CCDC7: variants seen among roughly 807,000 people sequenced by gnomAD.
CCDC7 encodes coiled-coil domain-containing protein 7.
Under a neutral mutation model 196.9 loss-of-function variants are expected in CCDC7, and 183 were observed. The observed-to-expected ratio is 0.93, with a 90% CI of 0.82 to 1.05. The LOEUF (loss-of-function observed/expected upper bound fraction) is 1.05, where lower values mean the gene tolerates loss of function less well. CCDC7 is among the 50% of genes least tolerant of loss of function. The probability of loss-of-function intolerance (pLI) is 0.00; values close to 1 mark genes in which losing one functional copy is unlikely to be tolerated. For synonymous variants in CCDC7, 525 were observed against 484.6 expected, an observed-to-expected ratio of 1.08 and a Z score of -1.10; for missense variants, 1,540 against 1,482.2, an observed-to-expected ratio of 1.04 and a Z score of -0.64.
intron 21 of CCDC7, among the ~76,000 whole-genome samples, chr10:32,677,110 C>T (rs1349312874): frequency 6.7e-6 from 1 of 148,836 alleles, no homozygotes; most frequent in African/African-American, 2.5e-5. Context: ...TAAACTATTG[C>T]AAGGACAAAA....
At chr10:32,826,466 A>G (rs2091130858) in intron 32 of CCDC7, among the ~76,000 whole-genome samples, 1 of 152,206 alleles carries the variant, frequency 6.6e-6, no homozygotes, top group African/African-American at 2.4e-5. Flanking sequence ...TTTCTGACCC[A>G]TCTAGCCATA....
chr10:32,822,973 A>C (rs1161210182), intron 31 of CCDC7, among the ~76,000 whole-genome samples: 15 of 152,158 alleles, frequency 9.9e-5, no homozygotes, highest in Admixed American at 9.8e-4. Flanking sequence ...TTATCTAAAA[A>C]TCCTCTGATT....
intron 18 of CCDC7, among the ~76,000 whole-genome samples, chr10:32,606,930 AG>A (rs1359475348): frequency 6.6e-6 from 1 of 152,132 alleles, no homozygotes; most frequent in African/African-American, 2.4e-5. Context: ...AGATTTTGGG[AG>A]CCAGATGCAG....
intron 41 of CCDC7, among the ~76,000 whole-genome samples, chr10:32,861,028 A>G (rs1409314324): frequency 6.7e-6 from 1 of 149,588 alleles, no homozygotes; most frequent in African/African-American, 2.5e-5. Context: ...TCAAGCTACC[A>G]TTGACTTTCT....
At chr10:32,846,874 G>T (rs1354559277) in intron 37 of CCDC7, among the ~76,000 whole-genome samples, 1 of 152,094 alleles carries the variant, frequency 6.6e-6, no homozygotes, top group African/African-American at 2.4e-5. Context: ...CCTTCTATTT[G>T]ATAAAAATGT....
intron 10 of CCDC7, among the ~76,000 whole-genome samples, 200 bp downstream of exon 11, chr10:32,518,175 T>C (rs1183972095): frequency 2.0e-5 from 3 of 152,156 alleles, no homozygotes; most frequent in African/African-American, 7.2e-5. Context: ...CAGAAACTCT[T>C]CACTTCTGAA....
intron 9 of CCDC7, among the ~76,000 whole-genome samples, chr10:32,505,675 G>T (rs564451769): frequency 7.2e-5 from 11 of 151,908 alleles, no homozygotes; most frequent in Admixed American, 6.6e-4. Context: ...ATCATGGCCC[G>T]TTCTCGATGG....
chr10:32,626,989 C>G (rs1419509490), intron 18 of CCDC7, among the ~76,000 whole-genome samples: 1 of 150,478 alleles, frequency 6.6e-6, no homozygotes, highest in Non-Finnish European at 1.5e-5. Context: ...TAACGAGATG[C>G]CTACAGCATT....
At chr10:32,670,497 C>T (rs969363113) in intron 21 of CCDC7, among the ~76,000 whole-genome samples, 10 of 151,002 alleles carry the variant, frequency 6.6e-5, no homozygotes, top group African/African-American at 2.2e-4. Context: ...CCCACTAACT[C>T]GTCATCTAGC....
At chr10:32,813,773 G>T (rs1213571265) in intron 30 of CCDC7, among the ~76,000 whole-genome samples, 1 of 152,132 alleles carries the variant, frequency 6.6e-6, no homozygotes, top group Non-Finnish European at 1.5e-5. Context: ...AAATTGTGCA[G>T]CATCAGGTTG....
chr10:32,792,904 G>A (rs1371332736), intron 29 of CCDC7, among the ~76,000 whole-genome samples: 1 of 152,062 alleles, frequency 6.6e-6, no homozygotes, highest in African/African-American at 2.4e-5. Flanking sequence ...AATCACAAAG[G>A]TAGGCAGCAA....
chr10:32,874,207 G>T (rs191469519), intron 41 of CCDC7, among the ~76,000 whole-genome samples: 1 of 148,860 alleles, frequency 6.7e-6, no homozygotes, highest in East Asian at 2.0e-4. Context: ...ACATAAATGT[G>T]TATATAATTT....
At position 32,644,649 on chromosome 10, in the gene CCDC7, G is replaced by A. The variant is rs940071682; in HGVS notation, c.2014+9491G>A. On this transcript the variant is annotated intron_variant, in intron 20 of 41. Transcript: ENST00000639629. Reference sequence around the variant, plus strand: ...GACCCAGTGGGAGATAATGAATCACGAGGGCGATTTCCCCCATACTGCTGC... The same window carrying A: ...GACCCAGTGGGAGATAATGAATCACAAGGGCGATTTCCCCCATACTGCTGC... Among the ~76,000 whole-genome samples, 9 of 152,226 alleles carry A rather than the reference G, an allele frequency of 5.9e-5. No individual in the cohort carries two copies. In the South Asian group the frequency reaches 1.5e-3, roughly 25 times the overall value.
chr10:32,839,631 A>C (rs2092841582), intron 33 of CCDC7, among the ~76,000 whole-genome samples: 1 of 151,990 alleles, frequency 6.6e-6, no homozygotes, highest in Non-Finnish European at 1.5e-5. Context: ...ATGAACTTGA[A>C]CTCTACCCTA....
intron 41 of CCDC7, among the ~76,000 whole-genome samples, chr10:32,870,571 A>G (rs2094392095): frequency 6.6e-6 from 1 of 152,080 alleles, no homozygotes; most frequent in Admixed American, 6.6e-5. Flanking sequence ...CTCTTTTCCT[A>G]ATTGAATACC....
intron 28 of CCDC7, among the ~76,000 whole-genome samples, chr10:32,755,214 A>C (rs2076240147): frequency 6.6e-6 from 1 of 152,210 alleles, no homozygotes; most frequent in African/African-American, 2.4e-5. Flanking sequence ...AACAAAAGGC[A>C]GCAGAAACTT....
chr10:32,646,003 T>G (rs2067699567), intron 20 of CCDC7, among the ~76,000 whole-genome samples: 1 of 151,974 alleles, frequency 6.6e-6, no homozygotes, highest in African/African-American at 2.4e-5. Flanking sequence ...TTGTTCATCT[T>G]TTATATTTTT....
At chr10:32,564,611 T>A (rs1031162491) in intron 13 of CCDC7, among the ~76,000 whole-genome samples, 1 of 121,608 alleles carries the variant, frequency 8.2e-6, no homozygotes, top group African/African-American at 3.3e-5. Context: ...TGAGAACACA[T>A]GGACACAGGA....
chr10:32,460,907 T>C (rs1438415131), intron 3 of CCDC7, among the ~76,000 whole-genome samples: 1 of 152,190 alleles, frequency 6.6e-6, no homozygotes, highest in African/African-American at 2.4e-5. Flanking sequence ...GCTGATGCTG[T>C]TGCTGTGGCT....
Sources: gnomAD v4.1 joint callset for allele counts (sites outside exome capture counted in the v4.1 genomes callset) on GRCh38, gnomAD v4.1.1 for gene constraint, MANE v1.5 for transcripts, NCBI Gene and HGNC (gene_info 2026-07-23, HGNC 2026-07-21) for gene names.